Variants in LINGO2 observed in about 807,000 individuals in gnomAD.
LINGO2 encodes the protein leucine-rich repeat and immunoglobulin-like domain-containing nogo receptor-interacting protein 2.
In LINGO2, 14 loss-of-function variants were observed where a neutral mutation model predicts 30.6. The ratio of observed to expected loss-of-function variants is 0.46; its 90% CI spans 0.30 to 0.72. The LOEUF (loss-of-function observed/expected upper bound fraction) is 0.72, where lower values mean the gene tolerates loss of function less well. Among genes scored for constraint, LINGO2 ranks in the 30% least tolerant of loss-of-function variants. LINGO2 has a pLI of 0.07. For synonymous variants in LINGO2, 317 were observed against 288.5 expected (o/e 1.10, Z -1.00); for missense variants, 729 against 751.7 (o/e 0.97, Z 0.35).
At chr9:28,300,507 T>A (rs1208112177) in intron 3 of LINGO2, among the ~76,000 whole-genome samples, 1 of 152,142 alleles carries the variant, frequency 6.6e-6, no homozygotes, top group African/African-American at 2.4e-5. Flanking sequence ...CACATTCTTG[T>A]TTTCATTTTC....
the LINGO2 span, among the ~76,000 whole-genome samples, chr9:29,157,261 A>C: frequency 7.9e-5 from 12 of 152,172 alleles, no homozygotes; most frequent in African/African-American, 2.7e-4. Context: ...TAAATAAATA[A>C]TTACAATAAG....
the LINGO2 span, among the ~76,000 whole-genome samples, chr9:29,126,798 G>A: frequency 6.6e-6 from 1 of 152,056 alleles, no homozygotes; most frequent in Non-Finnish European, 1.5e-5. Context: ...AGGATCTGGA[G>A]GCAAAGAACT....
intron 1 of LINGO2, among the ~76,000 whole-genome samples, chr9:28,589,558 C>T (rs1824760271): frequency 6.6e-6 from 1 of 152,032 alleles, no homozygotes; most frequent in Admixed American, 6.6e-5. Flanking sequence ...ACAATTGCTT[C>T]AAAGAGAATA....
At chr9:28,118,289 A>C (rs1374392841) in intron 4 of LINGO2, among the ~76,000 whole-genome samples, 4 of 152,142 alleles carry the variant, frequency 2.6e-5, no homozygotes, top group Non-Finnish European at 5.9e-5. Flanking sequence ...GAGTATGGAG[A>C]ACTGAGAGGA....
At chr9:28,369,605 A>T (rs1175361797) in intron 3 of LINGO2, among the ~76,000 whole-genome samples, 1 of 152,198 alleles carries the variant, frequency 6.6e-6, no homozygotes, top group African/African-American at 2.4e-5. Context: ...TCAGACAGGT[A>T]GGTGGGTAAG....
chr9:28,450,819 AT>A (rs1475390070), intron 2 of LINGO2, among the ~76,000 whole-genome samples: 1 of 151,966 alleles, frequency 6.6e-6, no homozygotes, highest in Admixed American at 6.6e-5. Context: ...GATTCCTCAT[AT>A]TTCCATTTTA....
rs1188062764 is a variant in LINGO2, at chr9:27,949,764, T to C, written c.908A>G (p.His303Arg). ...GGTGCGAAGCTGGGCCCCCACTATATGAAGCTCCTGAAGGCGGATCAGGTC... is the reference window on the plus strand; with the variant it reads ...GGTGCGAAGCTGGGCCCCCACTATACGAAGCTCCTGAAGGCGGATCAGGTC... The change falls in exon 6 of 6, where the codon CAT becomes CGT. Residue 303 changes from histidine to arginine, a missense_variant. Transcript: ENST00000379992. 3 of 1,613,996 alleles carry C rather than the reference T, an allele frequency of 1.9e-6. No homozygotes were observed. The highest frequency in any genetic ancestry group is 1.3e-5 in the African/African-American group (1 of 74,912).
chr9:27,997,493 T>C (rs955757908), intron 5 of LINGO2, among the ~76,000 whole-genome samples: 12 of 152,174 alleles, frequency 7.9e-5, no homozygotes, highest in African/African-American at 2.4e-4. Flanking sequence ...TCCCTGCCCC[T>C]TGTTGGGCCT....
At chr9:28,736,516 C>A in the LINGO2 span, among the ~76,000 whole-genome samples, 4 of 152,254 alleles carry the variant, frequency 2.6e-5, no homozygotes, top group African/African-American at 7.2e-5. Flanking sequence ...GTAGGCCGGG[C>A]GTGGTGGGTC....
the LINGO2 span, among the ~76,000 whole-genome samples, chr9:29,049,543 A>T: frequency 5.4e-3 from 826 of 152,338 alleles, 8 homozygotes; most frequent in African/African-American, 0.019. Context: ...ATTTGGAAGC[A>T]ACCTAAGTGT....
At chr9:27,974,584 T>C (rs1820507360) in intron 5 of LINGO2, among the ~76,000 whole-genome samples, 1 of 152,094 alleles carries the variant, frequency 6.6e-6, no homozygotes, top group African/African-American at 2.4e-5. Flanking sequence ...CCACCCGGTA[T>C]TGCATGCTTT....
chr9:28,959,832 T>C, the LINGO2 span, among the ~76,000 whole-genome samples: 2 of 152,168 alleles, frequency 1.3e-5, no homozygotes, highest in South Asian at 4.1e-4. Flanking sequence ...ATTTTGGATG[T>C]TAGAGCTCAG....
chr9:28,702,693 G>C, the LINGO2 span, among the ~76,000 whole-genome samples: 1 of 151,866 alleles, frequency 6.6e-6, no homozygotes, highest in African/African-American at 2.4e-5. Context: ...TTTTCTGGAA[G>C]AGATGACAGA....
intron 4 of LINGO2, among the ~76,000 whole-genome samples, chr9:28,243,620 C>A (rs1243588806): frequency 6.8e-6 from 1 of 146,890 alleles, no homozygotes; most frequent in East Asian, 2.5e-4. Flanking sequence ...TGGAAAGCAA[C>A]AAACAAACAA....
At chr9:28,236,460 G>A (rs991315566) in intron 4 of LINGO2, among the ~76,000 whole-genome samples, 3 of 152,116 alleles carry the variant, frequency 2.0e-5, no homozygotes, top group African/African-American at 7.2e-5. Context: ...GTGTGTATAC[G>A]TTTCCTGACT....
At chr9:28,916,066 G>A in the LINGO2 span, among the ~76,000 whole-genome samples, 1 of 152,116 alleles carries the variant, frequency 6.6e-6, no homozygotes, top group African/African-American at 2.4e-5. Context: ...GTGCAAATGG[G>A]TGGTCAGACA....
At chr9:29,175,760 C>T in the LINGO2 span, among the ~76,000 whole-genome samples, 1 of 152,004 alleles carries the variant, frequency 6.6e-6, no homozygotes, top group East Asian at 1.9e-4. Context: ...CTCCTGACCT[C>T]GTGATCCACC....
chr9:28,884,758 T>C, the LINGO2 span, among the ~76,000 whole-genome samples: 1 of 54,052 alleles, frequency 1.9e-5, no homozygotes. Context: ...ATACACATTA[T>C]ATATAGTGTG....
chr9:28,782,626 A>G, the LINGO2 span, among the ~76,000 whole-genome samples: 6 of 152,246 alleles, frequency 3.9e-5, no homozygotes, highest in Admixed American at 2.6e-4. Context: ...ATTCTGGTAA[A>G]CAAAAGTAAA....
Sources: gnomAD v4.1 joint callset for allele counts (sites outside exome capture counted in the v4.1 genomes callset) on GRCh38, gnomAD v4.1.1 for gene constraint, MANE v1.5 for transcripts, NCBI Gene and HGNC (gene_info 2026-07-23, HGNC 2026-07-21) for gene names.